The following HMOX2 variants were observed in gnomAD, a reference collection of about 807,000 sequenced individuals.
HMOX2 encodes heme oxygenase 2.
HMOX2 carries 30 observed loss-of-function variants against 33.7 expected under a neutral mutation model. That is an observed-to-expected ratio of 0.89 (90% confidence interval 0.67 to 1.21). HMOX2 has a LOEUF of 1.21. HMOX2 is among the 50% of genes most tolerant of loss of function. HMOX2 has a pLI of 0.00. For synonymous variants in HMOX2, 155 were observed against 155.0 expected, an observed-to-expected ratio of 1.00 and a Z score of 0.00; for missense variants, 403 against 399.1, an observed-to-expected ratio of 1.01 and a Z score of -0.08.
chr16:4,499,748 A>G lies in HMOX2; in HGVS notation c.-41-5736A>G, dbSNP rs573079066. 2.8e-3 allele frequency among the ~76,000 whole-genome samples: 432 copies of G among 152,356 alleles called. 3 individuals carry two copies. The highest frequency in any genetic ancestry group is 4.6e-3 in the Non-Finnish European group (313 of 68,040). On this transcript the variant is annotated intron_variant, in intron 1 of 5. Coordinates refer to ENST00000570646, the MANE Select transcript of HMOX2 (RefSeq NM_002134.4). ...ATAACCCTGATTTAATTATTCCCCA[A>G]TGTATACATGTGTCCAAACATCACA...
intron 3 of HMOX2, 48 bp downstream of exon 3, chr16:4,507,060 G>A: frequency 7.8e-7 from 1 of 1,277,948 alleles, no homozygotes; most frequent in Non-Finnish European, 1.1e-6. Flanking sequence ...GGTTGGGGTG[G>A]GGGCCTTGGT....
chr16:4,481,654 C>G (rs1457683690), intron 1 of HMOX2: 1 of 152,160 alleles, frequency 6.6e-6, no homozygotes, highest in African/African-American at 2.4e-5. Flanking sequence ...CCACCTAACT[C>G]TCTCTCTAGA....
In HMOX2 at chr16:4,507,895, G is replaced by A. The variant is rs760458996; in HGVS notation, c.387G>A (p.Lys129=). Residue 129 remains lysine (K), a synonymous_variant, in exon 4 of 6, where the codon AAG becomes AAA. Coordinates refer to ENST00000570646, the MANE Select transcript of HMOX2 (RefSeq NM_002134.4). ...ENWEEQVQCP[K]AAQKYVERIH... is the part of the protein sequence containing the mutation. Reference sequence around the variant, plus strand: ...GGGAGGAGCAGGTGCAGTGCCCCAAGGCTGCCCAGAAGTACGTGGAGCGGA... The same window carrying A: ...GGGAGGAGCAGGTGCAGTGCCCCAAAGCTGCCCAGAAGTACGTGGAGCGGA... 3 of 1,614,184 alleles carry A rather than the reference G, an allele frequency of 1.9e-6. No individual in the cohort carries two copies. In the South Asian group the frequency reaches 3.3e-5, roughly 18 times the overall value.
intron 1 of HMOX2, chr16:4,479,478 G>C (rs147405985): frequency 6.6e-6 from 1 of 152,148 alleles, no homozygotes; most frequent in Non-Finnish European, 1.5e-5. Context: ...GGAAAGGGAC[G>C]CCAGAAGAGT....
intron 1 of HMOX2, among the ~76,000 whole-genome samples, chr16:4,505,166 A>G (rs1329829919): frequency 3.9e-5 from 6 of 152,178 alleles, no homozygotes; most frequent in African/African-American, 1.4e-4. Context: ...CAGGCAGTGT[A>G]CCTTTACTTC....
intron 1 of HMOX2, among the ~76,000 whole-genome samples, chr16:4,482,328 G>A (rs1304064249): frequency 1.3e-5 from 2 of 151,992 alleles, no homozygotes; most frequent in Non-Finnish European, 2.9e-5. Flanking sequence ...TGGCTCTTCT[G>A]GTTATTTGAG....
At chr16:4,507,343 G>A (rs1320154944) in intron 3 of HMOX2, among the ~76,000 whole-genome samples, 1 of 152,010 alleles carries the variant, frequency 6.6e-6, no homozygotes, top group Non-Finnish European at 1.5e-5. Flanking sequence ...TACTTGGGAG[G>A]CTGAGGTGGG....
chr16:4,485,291 G>T (rs532750653), intron 1 of HMOX2, among the ~76,000 whole-genome samples: 13 of 152,200 alleles, frequency 8.5e-5, no homozygotes, highest in African/African-American at 3.1e-4. Context: ...TTAATCTGAG[G>T]TTGGTTGAAT....
At chr16:4,479,105 C>G (rs1213076847) in intron 1 of HMOX2, among the ~76,000 whole-genome samples, 1 of 151,894 alleles carries the variant, frequency 6.6e-6, no homozygotes, top group African/African-American at 2.4e-5. Context: ...GAGCCAAGAT[C>G]ATGCCATTGC....
In HMOX2 at chr16:4,483,160, G is replaced by GGTGT. The variant is rs35532266; in HGVS notation, c.-42+6734_-42+6737dup. Among the ~76,000 whole-genome samples the GGTGT allele has an allele frequency of 2.5e-3, 329 of 131,776 alleles. 2 individuals carry two copies. The highest frequency in any genetic ancestry group is 7.8e-3 in the Middle Eastern group (2 of 258). The allele number at this position is 131,776 out of a possible 152,430, so 86.5% of individuals were successfully genotyped here. On this transcript the variant is annotated intron_variant, in intron 1 of 5. Coordinates refer to ENST00000570646, the MANE Select transcript of HMOX2 (RefSeq NM_002134.4). ...CTATCCTGAAGCTAATGCAAACCCT[G>GGTGT]GTGTGTGTGTGTGTGTGTGTGTGTG... is the stretch of plus-strand genomic sequence containing the variant.
At chr16:4,482,633 T>G (rs2058059532) in intron 1 of HMOX2, among the ~76,000 whole-genome samples, 1 of 152,212 alleles carries the variant, frequency 6.6e-6, no homozygotes, top group Non-Finnish European at 1.5e-5. Flanking sequence ...TCGAAAGTTC[T>G]GACAATCCCT....
chr16:4,489,902 C>T (rs1245252424), intron 1 of HMOX2, among the ~76,000 whole-genome samples: 1 of 152,206 alleles, frequency 6.6e-6, no homozygotes, highest in Non-Finnish European at 1.5e-5. Context: ...TGAGCCACCG[C>T]GCCCAGCCCA....
At chr16:4,494,981 C>T (rs916141390) in intron 1 of HMOX2, among the ~76,000 whole-genome samples, 5 of 152,060 alleles carry the variant, frequency 3.3e-5, no homozygotes, top group Non-Finnish European at 4.4e-5. Context: ...AGACCAGTCT[C>T]GGTTTGATTG....
chr16:4,505,552 G>T lies in HMOX2; in HGVS notation c.28G>T (p.Gly10Trp), dbSNP rs200633966. The change falls in exon 2 of 6, where the codon GGG (glycine) becomes TGG (tryptophan). Residue 10 changes from glycine to tryptophan, a missense_variant. Gly to Trp is a radical substitution (Grantham distance 184). Transcript: ENST00000570646. MSAEVETSE[G>W]VDESEKKNSG... ...GTCAGCGGAAGTGGAAACCTCAGAG[G>T]GGGTAGACGAGTCAGAAAAAAAGAA... is the stretch of plus-strand genomic sequence containing the variant. 75 of 1,607,394 alleles carry T rather than the reference G, an allele frequency of 4.7e-5. No homozygotes were observed. The South Asian group carries it at 6.8e-4, about 15-fold the overall frequency.
At chr16:4,509,384 T>A (rs1430261240) in intron 4 of HMOX2, 28 bp from the exon 5 acceptor site, 1 of 1,601,960 alleles carries the variant, frequency 6.2e-7, no homozygotes, top group African/African-American at 1.4e-5. Flanking sequence ...AGCCCAAAGA[T>A]GGCTCAGTCG....
intron 1 of HMOX2, among the ~76,000 whole-genome samples, chr16:4,487,765 G>C (rs1028213101): frequency 7.0e-6 from 1 of 142,588 alleles, no homozygotes; most frequent in Non-Finnish European, 1.5e-5. Flanking sequence ...ACCAGCCTGG[G>C]AGACAGAGCG....
chr16:4,509,482 A>G lies in HMOX2; in HGVS notation c.767A>G (p.His256Arg). The part of the protein sequence containing the change: ...RETLEDGFPV[H>R]DGKGDMRKCP... ...ACCTTGGAGGATGGGTTCCCTGTAC[A>G]CGATGGGAAAGGAGACATGCGTAAA... Residue 256 changes from histidine to arginine, a missense_variant, in exon 5 of 6, where the codon CAC (histidine) becomes CGC (arginine). Coordinates refer to ENST00000570646, the MANE Select transcript of HMOX2 (RefSeq NM_002134.4). 6.2e-7 allele frequency: 1 copy of G among 1,614,180 alleles called. No homozygotes were observed. Among genetic ancestry groups the G allele is most frequent in the Non-Finnish European group, 8.5e-7 (1 of 1,180,016 alleles).
intron 1 of HMOX2, among the ~76,000 whole-genome samples, chr16:4,502,279 T>G (rs2058578621): frequency 6.6e-6 from 1 of 152,230 alleles, no homozygotes; most frequent in African/African-American, 2.4e-5. Context: ...TAAGCAAGAC[T>G]ATACTCTCCC....
intron 1 of HMOX2, among the ~76,000 whole-genome samples, chr16:4,486,997 C>T (rs1296544722): frequency 6.6e-6 from 1 of 152,132 alleles, no homozygotes; most frequent in African/African-American, 2.4e-5. Flanking sequence ...TGGTGGCCCA[C>T]GCCTGTAATC....
Sources: allele counts gnomAD v4.1 joint callset (sites outside exome capture counted in the v4.1 genomes callset), GRCh38; gene constraint gnomAD v4.1.1; transcripts MANE v1.5; gene names NCBI Gene and HGNC (gene_info 2026-07-23, HGNC 2026-07-21).